The following GFRAL variants were observed in gnomAD, a reference collection of about 807,000 sequenced individuals.
GFRAL encodes GDNF family receptor alpha-like.
GFRAL carries 36 observed loss-of-function variants against 45.4 expected under a neutral mutation model. That is an observed-to-expected ratio of 0.79 (90% CI 0.61 to 1.05). GFRAL has a LOEUF of 1.05. Among genes scored for constraint, GFRAL ranks in the 50% least tolerant of loss-of-function variants. GFRAL has a pLI of 0.00. For synonymous variants in GFRAL, 166 were observed against 154.1 expected, an observed-to-expected ratio of 1.08 and a Z score of -0.57; for missense variants, 507 against 467.5, an observed-to-expected ratio of 1.08 and a Z score of -0.78.
Position 55,351,415 on chromosome 6 carries a change from T to C in GFRAL, c.533T>C (p.Ile178Thr), listed in dbSNP as rs1006424846. Residue 178 changes from isoleucine (I) to threonine (T), a missense_variant, in exon 5 of 9, where the codon ATA becomes ACA. Transcript: ENST00000340465. Reference sequence around the variant, plus strand: ...GCCATACGGTTCTTCTATCAAAATATACCTTTTAACATTGCCCAGATGTTG... The same window carrying C: ...GCCATACGGTTCTTCTATCAAAATACACCTTTTAACATTGCCCAGATGTTG... Reference protein sequence around the residue: ...QAAIRFFYQNIPFNIAQMLAF... With the variant: ...QAAIRFFYQNTPFNIAQMLAF... 1 of 1,613,758 alleles carries C rather than the reference T, an allele frequency of 6.2e-7. No individual in the cohort carries two copies. Among genetic ancestry groups the C allele is most frequent in the Middle Eastern group, 1.7e-4 (1 of 6,060 alleles).
intron 3 of GFRAL, among the ~76,000 whole-genome samples, chr6:55,335,571 G>A (rs956690667): frequency 1.5e-4 from 23 of 152,064 alleles, no homozygotes; most frequent in Admixed American, 1.5e-3. Context: ...TGTAGCTTTA[G>A]GTTATATATT....
chr6:55,372,397 C>A (rs1768462923), intron 6 of GFRAL, among the ~76,000 whole-genome samples: 1 of 152,102 alleles, frequency 6.6e-6, no homozygotes, highest in South Asian at 2.1e-4. Context: ...TTGATATATT[C>A]TTTAGGATTT....
chr6:55,384,926 G>C lies in GFRAL; in HGVS notation c.953-14254G>C, dbSNP rs1409502962. On this transcript the variant is annotated intron_variant, in intron 6 of 8. Transcript: ENST00000340465. ...AGCCTATGAGGAATGCTCCAACCTT[G>C]CTGATGGTATACTTGGGACTATCCT... Among the ~76,000 whole-genome samples the C allele has an allele frequency of 3.3e-5, 5 of 150,838 alleles. No homozygotes were observed. The South Asian group carries it at 1.0e-3, about 32-fold the overall frequency.
At position 55,359,151 on chromosome 6, in the gene GFRAL, A is replaced by G. The variant is rs769603472; in HGVS notation, c.952+13A>G. ...AAATCATGTTTCAGTAAGTTCCCCA[A>G]ATAAAATTATCTGTCTATCTATCTA... On this transcript the variant is annotated intron_variant, in intron 6 of 8. Transcript: ENST00000340465. 1 of 1,489,912 alleles carries G rather than the reference A, an allele frequency of 6.7e-7. No individual in the cohort carries two copies. 92.3% of individuals were successfully genotyped at this position (1,489,912 alleles called of 1,614,324 possible).
intron 6 of GFRAL, among the ~76,000 whole-genome samples, chr6:55,370,517 T>G (rs1768436265): frequency 6.6e-6 from 1 of 152,210 alleles, no homozygotes; most frequent in Admixed American, 6.5e-5. Context: ...TGGCATATGT[T>G]AGGATTTTTC....
chr6:55,329,624 AAAT>A (rs1190368633), intron 1 of GFRAL, among the ~76,000 whole-genome samples: 1 of 152,106 alleles, frequency 6.6e-6, no homozygotes, highest in Non-Finnish European at 1.5e-5. Context: ...TGGGCTAGCC[AAAT>A]AAGGAGTACA....
chr6:55,391,028 G>A (rs557281659), intron 6 of GFRAL, among the ~76,000 whole-genome samples: 22 of 151,552 alleles, frequency 1.5e-4, no homozygotes, highest in African/African-American at 3.6e-4. Flanking sequence ...ATAATCTATC[G>A]CAATACCCTT....
Position 55,360,159 on chromosome 6 carries a change from C to T in GFRAL, c.952+1021C>T, listed in dbSNP as rs533344959. On this transcript the variant is annotated intron_variant, in intron 6 of 8. Coordinates refer to ENST00000340465, the MANE Select transcript of GFRAL (RefSeq NM_207410.2). ...ACTTTCATGAGTCTTAAGGAAACAA[C>T]CTAAGGATGTGATCATGTAATAATT... Among the ~76,000 whole-genome samples the T allele has an allele frequency of 3.9e-5, 6 of 151,994 alleles. No individual in the cohort carries two copies. In the South Asian group the frequency reaches 1.0e-3, roughly 26 times the overall value.
chr6:55,384,235 A>G (rs1380972660), intron 6 of GFRAL, among the ~76,000 whole-genome samples: 1 of 151,974 alleles, frequency 6.6e-6, no homozygotes, highest in Non-Finnish European at 1.5e-5. Context: ...ACAAACCTGC[A>G]TGTTCTGCAT....
intron 3 of GFRAL, among the ~76,000 whole-genome samples, chr6:55,341,013 C>A (rs4573074): frequency 0.053 from 8,105 of 152,218 alleles, 862 homozygotes; most frequent in East Asian, 0.33. Context: ...AGAAGGTAGA[C>A]AAAGCAGCTG....
At chr6:55,384,991 A>C (rs1471659462) in intron 6 of GFRAL, among the ~76,000 whole-genome samples, 1 of 152,008 alleles carries the variant, frequency 6.6e-6, no homozygotes, top group Non-Finnish European at 1.5e-5. Context: ...GAGCCTATAG[A>C]TGAGATCCAC....
At chr6:55,360,517 G>T (rs1481720495) in intron 6 of GFRAL, among the ~76,000 whole-genome samples, 1 of 151,804 alleles carries the variant, frequency 6.6e-6, no homozygotes, top group Non-Finnish European at 1.5e-5. Flanking sequence ...GCTAAAAATT[G>T]TGATTTGTTG....
intron 6 of GFRAL, among the ~76,000 whole-genome samples, chr6:55,379,306 C>T (rs1320599950): frequency 6.6e-6 from 1 of 151,702 alleles, no homozygotes; most frequent in East Asian, 1.9e-4. Context: ...CTGCTCCTCT[C>T]CCTCCTCCTC....
At chr6:55,394,988 C>G (rs1039701456) in intron 6 of GFRAL, among the ~76,000 whole-genome samples, 1 of 151,866 alleles carries the variant, frequency 6.6e-6, no homozygotes, top group Admixed American at 6.6e-5. Context: ...CCCTTCTACT[C>G]TCACTACAAT....
intron 6 of GFRAL, among the ~76,000 whole-genome samples, chr6:55,392,374 T>C (rs146810832): frequency 6.6e-6 from 1 of 152,348 alleles, no homozygotes; most frequent in Non-Finnish European, 1.5e-5. Flanking sequence ...CTTACATAGG[T>C]AACCTTTACT....
intron 3 of GFRAL, among the ~76,000 whole-genome samples, chr6:55,345,810 C>T (rs1425535717): frequency 6.6e-6 from 1 of 152,104 alleles, no homozygotes; most frequent in Non-Finnish European, 1.5e-5. Flanking sequence ...CAAAGGGGTA[C>T]TACCCAGAAT....
intron 6 of GFRAL, among the ~76,000 whole-genome samples, chr6:55,382,843 G>T (rs1274122092): frequency 6.6e-6 from 1 of 151,818 alleles, no homozygotes; most frequent in African/African-American, 2.4e-5. Context: ...AAGAATGTTG[G>T]TACAAAAATT....
chr6:55,378,854 G>A (rs760433842), intron 6 of GFRAL, among the ~76,000 whole-genome samples: 2 of 152,018 alleles, frequency 1.3e-5, no homozygotes, highest in African/African-American at 2.4e-5. Flanking sequence ...CCACCTCTGT[G>A]AGTGTTTGTA....
At chr6:55,384,448 A>T (rs990256792) in intron 6 of GFRAL, among the ~76,000 whole-genome samples, 1 of 151,842 alleles carries the variant, frequency 6.6e-6, no homozygotes. Context: ...TAACTGGAAG[A>T]ATTCCCATTG....
Sources: allele counts gnomAD v4.1 joint callset (sites outside exome capture counted in the v4.1 genomes callset), GRCh38; gene constraint gnomAD v4.1.1; transcripts MANE v1.5; gene names NCBI Gene and HGNC (gene_info 2026-07-23, HGNC 2026-07-21).